Variants in PTPRM observed in about 807,000 individuals in gnomAD.
The protein encoded by PTPRM is receptor-type tyrosine-protein phosphatase mu.
PTPRM carries 47 observed loss-of-function variants against 186.7 expected under a neutral mutation model. That is an observed-to-expected ratio of 0.25 (90% CI 0.20 to 0.32). PTPRM has a LOEUF of 0.32. Among genes scored for constraint, PTPRM ranks in the 10% least tolerant of loss-of-function variants. The pLI is 1.00. For synonymous variants in PTPRM, 668 were observed against 674.9 expected (o/e 0.99, Z 0.16); for missense variants, 1,494 against 1,865.0 (o/e 0.80, Z 3.66).
chr18:7,773,679 G>A (rs149042823), intron 1 of PTPRM, among the ~76,000 whole-genome samples: 2,674 of 151,040 alleles, frequency 0.018, 19 homozygotes, highest in Non-Finnish European at 0.026. Context: ...TCCGCCTCTT[G>A]GGTTCAAGCG....
intron 2 of PTPRM, among the ~76,000 whole-genome samples, chr18:7,801,872 C>T (rs910523969): frequency 6.6e-6 from 1 of 152,134 alleles, no homozygotes; most frequent in Non-Finnish European, 1.5e-5. Flanking sequence ...TTTGTGCTGT[C>T]CAGTATGGTA....
intron 14 of PTPRM, among the ~76,000 whole-genome samples, chr18:8,192,737 CTAA>C (rs1432650409): frequency 6.6e-6 from 1 of 152,130 alleles, no homozygotes; most frequent in Non-Finnish European, 1.5e-5. Context: ...AATATAAGAT[CTAA>C]TAATAAGAAT....
At chr18:7,849,145 C>T (rs959734007) in intron 2 of PTPRM, among the ~76,000 whole-genome samples, 3 of 152,156 alleles carry the variant, frequency 2.0e-5, no homozygotes, top group Admixed American at 6.5e-5. Context: ...GCTTTCCCCT[C>T]ACCTATCAAA....
At chr18:7,628,204 G>C (rs2038106812) in intron 1 of PTPRM, among the ~76,000 whole-genome samples, 1 of 152,078 alleles carries the variant, frequency 6.6e-6, no homozygotes, top group South Asian at 2.1e-4. Flanking sequence ...TATGTATTCT[G>C]TGAACCACTA....
intron 1 of PTPRM, among the ~76,000 whole-genome samples, chr18:7,758,729 A>C (rs2144720842): frequency 6.6e-6 from 1 of 152,292 alleles, no homozygotes; most frequent in East Asian, 1.9e-4. Flanking sequence ...CCTGTGGTTA[A>C]GGTCTTATCT....
At chr18:8,103,245 T>G (rs2091371730) in intron 11 of PTPRM, among the ~76,000 whole-genome samples, 1 of 152,214 alleles carries the variant, frequency 6.6e-6, no homozygotes, top group Middle Eastern at 3.2e-3. Context: ...AGAGTCAGCC[T>G]GTCCTTTGAC....
intron 1 of PTPRM, among the ~76,000 whole-genome samples, chr18:7,661,409 T>G (rs906797396): frequency 2.0e-5 from 3 of 152,242 alleles, no homozygotes; most frequent in Non-Finnish European, 4.4e-5. Context: ...CAGTGCAGTT[T>G]GCTGTTGTAA....
In PTPRM at chr18:8,103,440, A is replaced by T. The variant is rs560311039; in HGVS notation, c.1857-10046A>T. On this transcript the variant is annotated intron_variant, in intron 11 of 32. Coordinates refer to ENST00000580170, the MANE Select transcript of PTPRM (RefSeq NM_001105244.2). ...ATCAGCACTTGCTGCTTCGCTTTGTACTTTTATGTTATGAAGATGGCTACT... is the reference window on the plus strand; with the variant it reads ...ATCAGCACTTGCTGCTTCGCTTTGTTCTTTTATGTTATGAAGATGGCTACT... Among the ~76,000 whole-genome samples the T allele has an allele frequency of 9.8e-5, 15 of 152,312 alleles. No homozygotes were observed. In the South Asian group the frequency reaches 3.1e-3, roughly 32 times the overall value.
chr18:8,160,910 G>T (rs1363437628), intron 14 of PTPRM, among the ~76,000 whole-genome samples: 1 of 152,174 alleles, frequency 6.6e-6, no homozygotes, highest in Non-Finnish European at 1.5e-5. Flanking sequence ...GCCGCTTAGT[G>T]TAAGTGCCTA....
chr18:8,061,525 G>A (rs1346290687), intron 7 of PTPRM, among the ~76,000 whole-genome samples: 2 of 93,422 alleles, frequency 2.1e-5, no homozygotes, highest in South Asian at 4.1e-4. Flanking sequence ...TATTTTGCTC[G>A]TTAGTTGATG....
chr18:8,323,706 A>G (rs1199943520), intron 22 of PTPRM, among the ~76,000 whole-genome samples: 1 of 152,116 alleles, frequency 6.6e-6, no homozygotes, highest in Non-Finnish European at 1.5e-5. Context: ...AGCACCCTGT[A>G]GAGTCCAGGA....
chr18:8,159,828 G>A (rs956106595), intron 14 of PTPRM, among the ~76,000 whole-genome samples: 2 of 151,894 alleles, frequency 1.3e-5, no homozygotes, highest in Admixed American at 6.6e-5. Context: ...AAGCCCTTTA[G>A]TGCAGCACTG....
At chr18:8,200,577 A>G (rs2093841751) in intron 14 of PTPRM, among the ~76,000 whole-genome samples, 1 of 152,248 alleles carries the variant, frequency 6.6e-6, no homozygotes, top group Non-Finnish European at 1.5e-5. Flanking sequence ...CACGCAGCCC[A>G]TCTGGCCTGT....
At chr18:7,627,522 G>A (rs1456334978) in intron 1 of PTPRM, among the ~76,000 whole-genome samples, 1 of 152,128 alleles carries the variant, frequency 6.6e-6, no homozygotes, top group African/African-American at 2.4e-5. Context: ...ACCTGACTCT[G>A]GGCCTTAGGG....
chr18:8,069,656 A>G (rs774194741), intron 7 of PTPRM, 30 bp from the exon 8 acceptor site: 10 of 1,556,586 alleles, frequency 6.4e-6, no homozygotes, highest in Middle Eastern at 1.7e-4. Context: ...CTTCTCTCTC[A>G]TGTTTTCTTT....
chr18:7,730,904 A>G (rs1023317131), intron 1 of PTPRM, among the ~76,000 whole-genome samples: 6 of 152,194 alleles, frequency 3.9e-5, no homozygotes, highest in African/African-American at 1.4e-4. Flanking sequence ...AGAGTGTCAC[A>G]TTGATCTGAT....
At chr18:7,869,749 G>A (rs1201043703) in intron 2 of PTPRM, among the ~76,000 whole-genome samples, 3 of 152,124 alleles carry the variant, frequency 2.0e-5, no homozygotes, top group South Asian at 4.2e-4. Context: ...TTTAACTGAT[G>A]GCTTTTTGAA....
At chr18:7,812,507 G>A (rs2145497034) in intron 2 of PTPRM, among the ~76,000 whole-genome samples, 1 of 152,288 alleles carries the variant, frequency 6.6e-6, no homozygotes, top group Non-Finnish European at 1.5e-5. Context: ...TTAAGCACAG[G>A]AGGGGCATGA....
At chr18:8,139,069 G>T (rs1691879700) in intron 13 of PTPRM, among the ~76,000 whole-genome samples, 1 of 152,002 alleles carries the variant, frequency 6.6e-6, no homozygotes, top group Admixed American at 6.6e-5. Flanking sequence ...TCTACACCCA[G>T]ATCTCTCCCC....
Sources: gnomAD v4.1 joint callset for allele counts (sites outside exome capture counted in the v4.1 genomes callset) on GRCh38, gnomAD v4.1.1 for gene constraint, MANE v1.5 for transcripts, NCBI Gene and HGNC (gene_info 2026-07-23, HGNC 2026-07-21) for gene names.